The following ZNF33B variants were observed in gnomAD, a reference collection of about 807,000 sequenced individuals.
ZNF33B encodes zinc finger protein 33B.
A neutral mutation model predicts 45.8 loss-of-function variants in ZNF33B; 29 were observed. That is an observed-to-expected ratio of 0.63 (90% CI 0.47 to 0.86). ZNF33B has a LOEUF of 0.86. Among genes scored for constraint, ZNF33B ranks in the 40% least tolerant of loss-of-function variants. The pLI, the probability that ZNF33B is intolerant of heterozygous loss-of-function variation, is 0.00. For synonymous variants in ZNF33B, 305 were observed against 307.8 expected (o/e 0.99, Z 0.10); for missense variants, 831 against 909.9 (o/e 0.91, Z 1.12).
At chr10:42,600,548 T>C (rs1236997483) in intron 4 of ZNF33B, among the ~76,000 whole-genome samples, 2 of 152,196 alleles carry the variant, frequency 1.3e-5, no homozygotes, top group Non-Finnish European at 2.9e-5. Context: ...TGTTTATCTA[T>C]TTGTCTTTGA....
intron 4 of ZNF33B, among the ~76,000 whole-genome samples, chr10:42,605,806 A>G (rs1288825332): frequency 6.6e-6 from 1 of 152,214 alleles, no homozygotes. Flanking sequence ...ATATTTAACA[A>G]TAAGGCAGGC....
chr10:42,627,457 A>G (rs1838861774), intron 4 of ZNF33B, among the ~76,000 whole-genome samples: 1 of 152,110 alleles, frequency 6.6e-6, no homozygotes, highest in African/African-American at 2.4e-5. Context: ...GATGTTTACC[A>G]ATTTTATTCT....
Position 42,589,185 on chromosome 10 carries a change from A to G in ZNF33B, c.*3428T>C, listed in dbSNP as rs1837002040. Reference sequence around the variant, plus strand: ...CAGCTTTAGGGTTACAGAAAAATTGAGCAAAAAGTACAGAGAATTCTCATA... The same window carrying G: ...CAGCTTTAGGGTTACAGAAAAATTGGGCAAAAAGTACAGAGAATTCTCATA... On this transcript the variant is annotated 3_prime_UTR_variant, in exon 5 of 5. Transcript: ENST00000359467. 6.1e-6 allele frequency: 1 copy of G among 165,072 alleles called. No individual in the cohort carries two copies. Among genetic ancestry groups the G allele is most frequent in the Non-Finnish European group, 1.3e-5 (1 of 79,798 alleles). The allele number at this position is 165,072 out of a possible 1,614,324, so 10.2% of individuals were successfully genotyped here. A position where few individuals can be genotyped will look rare whatever the true frequency, so the allele number is the denominator to read the frequency against.
At chr10:42,609,050 C>T (rs1837988757) in intron 4 of ZNF33B, among the ~76,000 whole-genome samples, 1 of 152,064 alleles carries the variant, frequency 6.6e-6, no homozygotes, top group South Asian at 2.1e-4. Flanking sequence ...ACGACTAAAA[C>T]CAACTCAAGA....
chr10:42,629,179 G>A (rs1168578790), intron 4 of ZNF33B, among the ~76,000 whole-genome samples: 1 of 152,108 alleles, frequency 6.6e-6, no homozygotes, highest in East Asian at 1.9e-4. Context: ...AGAAATGGAG[G>A]CACAGAATGT....
At chr10:42,585,182 C>A (rs1173992313), downstream of ZNF33B, among the ~76,000 whole-genome samples, 1 of 152,230 alleles carries the variant, frequency 6.6e-6, no homozygotes, top group Non-Finnish European at 1.5e-5. Context: ...GGCCTCACTT[C>A]ATGGCCTACG....
chr10:42,632,228 C>T (rs575670753), intron 3 of ZNF33B, 67 bp downstream of exon 3: 1 of 1,561,870 alleles, frequency 6.4e-7, no homozygotes, highest in South Asian at 1.2e-5. Context: ...ACTAGACAGA[C>T]TGCCTATATG....
chr10:42,616,708 A>G (rs1651371002), intron 4 of ZNF33B, among the ~76,000 whole-genome samples: 1 of 150,860 alleles, frequency 6.6e-6, no homozygotes, highest in Non-Finnish European at 1.5e-5. Flanking sequence ...CATTTATTTT[A>G]TTTTTTGAGA....
chr10:42,584,720 C>A (rs755276503), downstream of ZNF33B, among the ~76,000 whole-genome samples: 3 of 152,152 alleles, frequency 2.0e-5, no homozygotes, highest in Admixed American at 1.3e-4. Context: ...AGGGTTTTAC[C>A]ATGTTGGCCA....
intron 4 of ZNF33B, among the ~76,000 whole-genome samples, chr10:42,601,757 C>G (rs1837633124): frequency 6.6e-6 from 1 of 151,936 alleles, no homozygotes; most frequent in Non-Finnish European, 1.5e-5. Context: ...CAGGCATGAG[C>G]CACTGCAACT....
chr10:42,597,417 T>A (rs1162028396), intron 4 of ZNF33B, among the ~76,000 whole-genome samples: 11 of 152,136 alleles, frequency 7.2e-5, no homozygotes, highest in Non-Finnish European at 1.5e-4. Context: ...TTTGTTGTAA[T>A]AAACTTTAAA....
At chr10:42,620,599 G>T (rs148540123) in intron 4 of ZNF33B, among the ~76,000 whole-genome samples, 35 of 150,962 alleles carry the variant, frequency 2.3e-4, no homozygotes, top group African/African-American at 7.8e-4. Flanking sequence ...TTGTAGAAAC[G>T]GAGTCTCACT....
At chr10:42,621,694 T>C (rs1050529982) in intron 4 of ZNF33B, among the ~76,000 whole-genome samples, 15 of 152,104 alleles carry the variant, frequency 9.9e-5, no homozygotes, top group African/African-American at 3.4e-4. Flanking sequence ...CAAAACAGAA[T>C]AGAACTTCTT....
chr10:42,594,849 G>T (rs1837331098), intron 4 of ZNF33B, 150 bp from the exon 5 acceptor site: 4 of 956,764 alleles, frequency 4.2e-6, no homozygotes, highest in Non-Finnish European at 5.7e-6. Flanking sequence ...ATATTTTTTT[G>T]TATTTCATGA....
intron 4 of ZNF33B, among the ~76,000 whole-genome samples, chr10:42,623,160 G>A (rs753419177): frequency 1.2e-4 from 18 of 152,196 alleles, no homozygotes; most frequent in East Asian, 1.9e-4. Context: ...CCAGCTACTC[G>A]GGAAGCTGAG....
At chr10:42,638,333 C>T (rs559738643) in intron 1 of ZNF33B, 141 bp downstream of exon 1, 19 of 310,440 alleles carry the variant, frequency 6.1e-5, no homozygotes, top group Non-Finnish European at 9.4e-5. Context: ...TCCTGGTAGA[C>T]ATGCTGCAGC....
At chr10:42,620,217 G>GAAAAAAAAAAAAAAAA (rs35650961) in intron 4 of ZNF33B, among the ~76,000 whole-genome samples, 1 of 100,624 alleles carries the variant, frequency 9.9e-6, no homozygotes, top group Non-Finnish European at 2.1e-5. Flanking sequence ...CTTTGGTCTT[G>GAAAAAAAAAAAAAAAA]AAAAAAAAAA....
At chr10:42,584,852 A>C (rs1053420444), downstream of ZNF33B, among the ~76,000 whole-genome samples, 10 of 152,106 alleles carry the variant, frequency 6.6e-5, no homozygotes, top group Admixed American at 5.9e-4. Flanking sequence ...AACTCCTGAC[A>C]ACCTCAGAGT....
At chr10:42,603,320 G>T (rs1265938122) in intron 4 of ZNF33B, among the ~76,000 whole-genome samples, 2 of 152,208 alleles carry the variant, frequency 1.3e-5, no homozygotes, top group Non-Finnish European at 2.9e-5. Flanking sequence ...GTTTGGGTGA[G>T]TGCAAGCCTA....
Sources: allele counts gnomAD v4.1 joint callset (sites outside exome capture counted in the v4.1 genomes callset), GRCh38; gene constraint gnomAD v4.1.1; transcripts MANE v1.5; gene names NCBI Gene and HGNC (gene_info 2026-07-23, HGNC 2026-07-21).